SAMD4B: variants seen among roughly 807,000 people sequenced by gnomAD.
SAMD4B encodes the protein sterile alpha motif domain containing 4B.
In SAMD4B, 5 loss-of-function variants were observed where a neutral mutation model predicts 74.5. The observed-to-expected ratio is 0.07, with a 90% CI of 0.04 to 0.14. SAMD4B has a LOEUF of 0.14. SAMD4B is among the 10% of genes least tolerant of loss of function. The pLI, the probability that SAMD4B is intolerant of heterozygous loss-of-function variation, is 1.00. For missense variants in SAMD4B, 608 were observed against 921.8 expected, an observed-to-expected ratio of 0.66 and a Z score of 4.41; for synonymous variants, 373 against 374.9, an observed-to-expected ratio of 1.00 and a Z score of 0.06.
At chr19:39,374,656 G>A (rs1281876395) in intron 4 of SAMD4B, among the ~76,000 whole-genome samples, 2 of 151,988 alleles carry the variant, frequency 1.3e-5, no homozygotes, top group African/African-American at 4.8e-5. Flanking sequence ...CCTGGCCAAT[G>A]TGGTGAAACC....
At chr19:39,369,624 C>G (rs2077174110) in intron 3 of SAMD4B, 31 bp from the exon 4 acceptor site, 1 of 1,591,072 alleles carries the variant, frequency 6.3e-7, no homozygotes, top group South Asian at 1.1e-5. Context: ...CACCCTGGCT[C>G]TCCTGATATT....
intron 9 of SAMD4B, among the ~76,000 whole-genome samples, chr19:39,379,713 GAC>G (rs1482942081): frequency 1.3e-5 from 2 of 152,180 alleles, no homozygotes; most frequent in South Asian, 2.1e-4. Flanking sequence ...TGGGATTACA[GAC>G]ACACACTACC....
chr19:39,366,199 G>A (rs774267919), intron 3 of SAMD4B, among the ~76,000 whole-genome samples: 65 of 152,064 alleles, frequency 4.3e-4, no homozygotes, highest in African/African-American at 1.5e-3. Flanking sequence ...GGCTGTAATC[G>A]CAGCTACTCA....
rs2077179420 is a variant in SAMD4B at position 39,369,733 on chromosome 19, C to G, written c.275C>G (p.Pro92Arg). 6.2e-7 allele frequency: 1 copy of G among 1,614,100 alleles called. No individual in the cohort carries two copies. Among genetic ancestry groups the G allele is most frequent in the Admixed American group, 1.7e-5 (1 of 60,000 alleles). Residue 92 changes from proline to arginine, a missense_variant, in exon 4 of 14, where the codon CCA (proline) becomes CGA (arginine). By Grantham distance (103) the Pro-to-Arg change is moderately radical. Around this residue, in one of 9 missense-constraint regions of SAMD4B, gnomAD observed 74 missense variants for 182.0 expected, o/e 0.41. Transcript: ENST00000610417. The stretch of plus-strand genomic sequence containing the variant: ...CTGTCCCACCTTCCCCTGCTTCAGC[C>G]AGGCAACACAGAGGCCAAGTCGGAG... ...LLLSHLPLLQ[P>R]GNTEAKSEYM...
intron 1 of SAMD4B, among the ~76,000 whole-genome samples, chr19:39,346,362 A>G (rs1173515767): frequency 6.6e-6 from 1 of 152,228 alleles, no homozygotes; most frequent in African/African-American, 2.4e-5. Context: ...GGTCAAAGAC[A>G]AAGCCTCCTC....
intron 12 of SAMD4B, among the ~76,000 whole-genome samples, chr19:39,381,961 A>G (rs1161748533): frequency 6.6e-6 from 1 of 152,156 alleles, no homozygotes; most frequent in Non-Finnish European, 1.5e-5. Context: ...GGCAAAAGGA[A>G]GATTAGAGAC....
chr19:39,382,929 A>T (rs186079575), intron 12 of SAMD4B, among the ~76,000 whole-genome samples: 58 of 151,742 alleles, frequency 3.8e-4, no homozygotes, highest in Admixed American at 7.9e-4. Flanking sequence ...CAGAGTAGTC[A>T]CAGCAGGCTG....
Position 39,383,325 on chromosome 19 carries a change from A to G in SAMD4B, c.2056+34A>G. 1.2e-6 allele frequency: 2 copies of G among 1,607,804 alleles called. No individual in the cohort carries two copies. Among genetic ancestry groups the G allele is most frequent in the Non-Finnish European group, 1.7e-6 (2 of 1,174,372 alleles). ...TTCCTCTTTCCCTGACCCAGCTCCC[A>G]CCTACCCAGCGTCTCTGCCTCTGAA... is the stretch of plus-strand genomic sequence containing the variant. On this transcript the variant is annotated intron_variant, in intron 13 of 13. Coordinates refer to ENST00000610417, the MANE Select transcript of SAMD4B (RefSeq NM_001384574.2). The surrounding 1 kb of genome is among the most constrained non-coding windows in gnomAD (Gnocchi z 4.1).
chr19:39,361,197 G>C lies in SAMD4B; in HGVS notation c.196+4108G>C, dbSNP rs141556196. ...GGCCCAGCACATTATTCTAGGGCAA[G>C]AGTTCTTAATATTTAGCGGGATGGA... On this transcript the variant is annotated intron_variant, in intron 3 of 13. Coordinates refer to ENST00000610417, the MANE Select transcript of SAMD4B (RefSeq NM_001384574.2). 9.2e-5 allele frequency among the ~76,000 whole-genome samples: 14 copies of C among 152,280 alleles called. No individual in the cohort carries two copies. In the East Asian group the frequency reaches 2.5e-3, roughly 27 times the overall value.
intron 3 of SAMD4B, among the ~76,000 whole-genome samples, chr19:39,363,637 T>C (rs1470641218): frequency 6.6e-6 from 1 of 152,232 alleles, no homozygotes; most frequent in Non-Finnish European, 1.5e-5. Context: ...GGTAGAGGCC[T>C]TACAGTCCCC....
the SAMD4B span, chr19:39,390,748 G>A: frequency 2.0e-6 from 3 of 1,471,062 alleles, no homozygotes; most frequent in Admixed American, 2.0e-5. Context: ...CCTGGGGGCT[G>A]GTGACGTTGT....
chr19:39,357,217 T>C, intron 3 of SAMD4B, 128 bp downstream of exon 3: 1 of 685,424 alleles, frequency 1.5e-6, no homozygotes, highest in Non-Finnish European at 2.3e-6. Context: ...GGGTGGGGAG[T>C]TCCTTACCTT....
chr19:39,384,071 G>T lies in SAMD4B; in HGVS notation c.*544G>T. On this transcript the variant is annotated 3_prime_UTR_variant, in exon 14 of 14. Transcript: ENST00000610417. ...TCCCCTTCACCATTCCCCACATTCTGCAAGGACAGGAGCCACCTTCCTCTC... is the reference window on the plus strand; with the variant it reads ...TCCCCTTCACCATTCCCCACATTCTTCAAGGACAGGAGCCACCTTCCTCTC... 1 of 328,188 alleles carries T rather than the reference G, an allele frequency of 3.0e-6. No homozygotes were observed. Among genetic ancestry groups the T allele is most frequent in the Non-Finnish European group, 5.6e-6 (1 of 177,976 alleles). The allele number at this position is 328,188 out of a possible 1,614,324, so 20.3% of individuals were successfully genotyped here.
At chr19:39,390,674 C>T, downstream of SAMD4B, 3 of 857,056 alleles carry the variant, frequency 3.5e-6, no homozygotes, top group South Asian at 1.6e-5. Flanking sequence ...AGGGGAACAC[C>T]TGAATCTCAG....
At chr19:39,360,734 T>C (rs912269396) in intron 3 of SAMD4B, among the ~76,000 whole-genome samples, 6 of 152,214 alleles carry the variant, frequency 3.9e-5, no homozygotes, top group Non-Finnish European at 7.3e-5. Flanking sequence ...GTTCATACTC[T>C]TGTTTCTCCT....
chr19:39,380,232 G>C, intron 10 of SAMD4B, 148 bp downstream of exon 10: 1 of 656,560 alleles, frequency 1.5e-6, no homozygotes, highest in Non-Finnish European at 2.6e-6. Flanking sequence ...ATTTCCACTA[G>C]AATAGGATGC....
chr19:39,388,535 C>T (rs202161979), downstream of SAMD4B: 439 of 1,613,890 alleles, frequency 2.7e-4, no homozygotes, highest in Non-Finnish European at 7.9e-5. Flanking sequence ...TCCCAATCCC[C>T]AAAACTTAAC....
downstream of SAMD4B, chr19:39,386,859 C>T (rs1600606353): frequency 2.7e-6 from 3 of 1,129,910 alleles, no homozygotes; most frequent in East Asian, 2.3e-5. This position sits in a 1 kb window ranked among gnomAD's most constrained non-coding sequence, Gnocchi z 6.1. Context: ...ACACCTCCCA[C>T]TTCCCCGCCC....
At chr19:39,362,066 C>T (rs1355101226) in intron 3 of SAMD4B, among the ~76,000 whole-genome samples, 3 of 152,200 alleles carry the variant, frequency 2.0e-5, no homozygotes, top group Non-Finnish European at 4.4e-5. Context: ...CTTAGTACTT[C>T]CTCCAGTTCT....
Sources: allele counts gnomAD v4.1 joint callset (sites outside exome capture counted in the v4.1 genomes callset), GRCh38; gene constraint gnomAD v4.1.1; regional missense constraint gnomAD v4.1.1; non-coding constraint Gnocchi (gnomAD v3.1); transcripts MANE v1.5; gene names NCBI Gene and HGNC (gene_info 2026-07-23, HGNC 2026-07-21).